Variants in ARHGAP28 observed in about 807,000 individuals in gnomAD.
The protein encoded by ARHGAP28 is rho GTPase-activating protein 28.
Under a neutral mutation model 90.7 loss-of-function variants are expected in ARHGAP28, and 56 were observed. The observed-to-expected ratio is 0.62, with a 90% CI of 0.50 to 0.77. The LOEUF is 0.77. Ranked by LOEUF, ARHGAP28 falls within the 30% of genes least tolerant of loss-of-function variation. The pLI is 0.00. For synonymous variants in ARHGAP28, 308 were observed against 323.3 expected (o/e 0.95, Z 0.51); for missense variants, 869 against 900.9 (o/e 0.96, Z 0.45).
At chr18:6,885,982 C>T (rs937049764) in intron 11 of ARHGAP28, among the ~76,000 whole-genome samples, 5 of 152,058 alleles carry the variant, frequency 3.3e-5, no homozygotes, top group Admixed American at 2.0e-4. Context: ...ACATCCTGGA[C>T]CTGCGTCATT....
At chr18:6,741,997 A>G (rs1268379977) in intron 1 of ARHGAP28, among the ~76,000 whole-genome samples, 1 of 152,188 alleles carries the variant, frequency 6.6e-6, no homozygotes. Flanking sequence ...GTAATGAAGT[A>G]GCTTAAGTAA....
At chr18:6,853,247 A>G (rs1415399110) in intron 4 of ARHGAP28, among the ~76,000 whole-genome samples, 2 of 152,152 alleles carry the variant, frequency 1.3e-5, no homozygotes, top group Non-Finnish European at 2.9e-5. Context: ...GAGCTATCTG[A>G]AAATCTCATT....
chr18:6,760,952 A>G (rs1294778860), intron 1 of ARHGAP28, among the ~76,000 whole-genome samples: 3 of 152,208 alleles, frequency 2.0e-5, no homozygotes, highest in Non-Finnish European at 4.4e-5. Context: ...GGTCCTTAGC[A>G]TATGGGAAGA....
intron 6 of ARHGAP28, 83 bp from the exon 7 acceptor site, chr18:6,870,507 T>C: frequency 1.5e-6 from 2 of 1,368,350 alleles, no homozygotes; most frequent in Non-Finnish European, 2.0e-6. Context: ...CACTTGTAAA[T>C]ATTTTGAATT....
In ARHGAP28 at chr18:6,882,297, AAAGTAGG is replaced by A; in HGVS notation, c.1452_1453+5del. ...ATACCTGCCTTCATCAGTCTAATGG[AAAGTAGG>A]TGGAAGACGTTATATGTGAATACGC... On this transcript the variant is annotated splice_donor_variant and splice_donor_5th_base_variant and coding_sequence_variant and intron_variant, in exon 11 of 18. Transcript: ENST00000383472. LOFTEE classifies it high-confidence loss of function. 6.2e-7 allele frequency: 1 copy of A among 1,609,660 alleles called. No homozygotes were observed. The highest frequency in any genetic ancestry group is 1.1e-5 in the South Asian group (1 of 89,992).
chr18:6,838,610 T>G (rs2056772148), intron 3 of ARHGAP28, among the ~76,000 whole-genome samples: 1 of 152,230 alleles, frequency 6.6e-6, no homozygotes, highest in Non-Finnish European at 1.5e-5. Flanking sequence ...TAAATGTGGC[T>G]AGTGTGAGAA....
chr18:6,877,593 T>C (rs1390582767), intron 10 of ARHGAP28, among the ~76,000 whole-genome samples: 1 of 152,224 alleles, frequency 6.6e-6, no homozygotes, highest in Non-Finnish European at 1.5e-5. Flanking sequence ...GCATCAGGGC[T>C]CCGGGCATGT....
At chr18:6,785,715 A>G (rs1341462684) in intron 1 of ARHGAP28, among the ~76,000 whole-genome samples, 2 of 152,236 alleles carry the variant, frequency 1.3e-5, no homozygotes, top group Non-Finnish European at 2.9e-5. Flanking sequence ...GAAAGGGATT[A>G]CCGTGCCTGT....
intron 1 of ARHGAP28, among the ~76,000 whole-genome samples, chr18:6,776,415 A>C (rs2056283859): frequency 6.6e-6 from 1 of 152,220 alleles, no homozygotes; most frequent in Non-Finnish European, 1.5e-5. Context: ...TACAGTATTA[A>C]TACAGTAAAG....
At position 6,782,592 on chromosome 18, in the gene ARHGAP28, A is replaced by ATTTTTTT. The variant is rs10602816; in HGVS notation, c.123-42139_123-42133dup. Among the ~76,000 whole-genome samples the ATTTTTTT allele has an allele frequency of 4.2e-3, 112 of 26,692 alleles. 31 individuals are homozygous for ATTTTTTT. Among genetic ancestry groups the ATTTTTTT allele is most frequent in the East Asian group, 6.5e-3 (5 of 764 alleles). The allele number at this position is 26,692 out of a possible 152,430, so 17.5% of individuals were successfully genotyped here. ...GCCATCACGCCCAGCTAATTTTTGT[A>ATTTTTTT]TTTTTTTTTTTTTTTTTTTTTTTTT... On this transcript the variant is annotated intron_variant, in intron 1 of 17. Coordinates refer to ENST00000383472, the MANE Select transcript of ARHGAP28 (RefSeq NM_001366230.1).
chr18:6,838,319 T>C (rs1458971216), intron 3 of ARHGAP28, among the ~76,000 whole-genome samples: 1 of 152,230 alleles, frequency 6.6e-6, no homozygotes, highest in Non-Finnish European at 1.5e-5. Flanking sequence ...ATAGTATCAA[T>C]AATGGCATAC....
chr18:6,780,616 C>T (rs1455611719), intron 1 of ARHGAP28, among the ~76,000 whole-genome samples: 5 of 151,966 alleles, frequency 3.3e-5, no homozygotes, highest in Admixed American at 1.3e-4. Flanking sequence ...AGGCCAGGTG[C>T]GGTGGCTCAT....
chr18:6,902,928 A>C (rs962036175), intron 16 of ARHGAP28, among the ~76,000 whole-genome samples: 1 of 152,222 alleles, frequency 6.6e-6, no homozygotes, highest in Admixed American at 6.5e-5. Context: ...TCATCAACAG[A>C]TGAACGGATA....
rs368874633 is a variant in ARHGAP28 at position 6,889,805 on chromosome 18, T to C, written c.1537-83T>C. 5.2e-5 allele frequency: 66 copies of C among 1,267,766 alleles called. No homozygotes were observed. In the African/African-American group the frequency reaches 8.7e-4, roughly 17 times the overall value. The allele number at this position is 1,267,766 out of a possible 1,614,324, so 78.5% of individuals were successfully genotyped here. A position where few individuals can be genotyped will look rare whatever the true frequency, so the allele number is the denominator to read the frequency against. ...TTCTGACAGTTCTCTGGCAGCAGAG[T>C]GAATGGGAATAGAATGAATGATAGC... is the stretch of plus-strand genomic sequence containing the variant. On this transcript the variant is annotated intron_variant, in intron 12 of 17. Coordinates refer to ENST00000383472, the MANE Select transcript of ARHGAP28 (RefSeq NM_001366230.1).
At chr18:6,814,019 T>C (rs919603273) in intron 1 of ARHGAP28, among the ~76,000 whole-genome samples, 3 of 152,106 alleles carry the variant, frequency 2.0e-5, no homozygotes, top group Admixed American at 6.6e-5. Context: ...TCACAACTGA[T>C]GGAGCACAGA....
chr18:6,879,583 A>G (rs1012528326), intron 10 of ARHGAP28, among the ~76,000 whole-genome samples: 1 of 152,210 alleles, frequency 6.6e-6, no homozygotes, highest in Non-Finnish European at 1.5e-5. Context: ...CCAAAAAAAG[A>G]CATTATTTCT....
Position 6,760,382 on chromosome 18 carries a change from G to A in ARHGAP28, c.122+30439G>A, listed in dbSNP as rs142377302. On this transcript the variant is annotated intron_variant, in intron 1 of 17. Coordinates refer to ENST00000383472, the MANE Select transcript of ARHGAP28 (RefSeq NM_001366230.1). The stretch of plus-strand genomic sequence containing the variant: ...CCCCATCACACCAAGAAATTCTTAG[G>A]TCCAGGTAAGAAACAAACTCAGAAT... 1.5e-3 allele frequency among the ~76,000 whole-genome samples: 233 copies of A among 152,132 alleles called. 1 individual carries two copies. The highest frequency in any genetic ancestry group is 0.01 in the Middle Eastern group (3 of 294).
At chr18:6,819,379 T>C (rs2056612012) in intron 1 of ARHGAP28, among the ~76,000 whole-genome samples, 1 of 152,146 alleles carries the variant, frequency 6.6e-6, no homozygotes, top group Non-Finnish European at 1.5e-5. Context: ...TGGAGAGCTG[T>C]GGATACAAAG....
At chr18:6,890,603 G>C (rs544844042) in intron 14 of ARHGAP28, 60 bp downstream of exon 14, 382 of 1,016,692 alleles carry the variant, frequency 3.8e-4, no homozygotes, top group Non-Finnish European at 3.9e-4. Flanking sequence ...TCCTCAAAGG[G>C]GGGCACAAAG....
Sources: gnomAD v4.1 joint callset for allele counts (sites outside exome capture counted in the v4.1 genomes callset) on GRCh38, gnomAD v4.1.1 for gene constraint, MANE v1.5 for transcripts, NCBI Gene and HGNC (gene_info 2026-07-23, HGNC 2026-07-21) for gene names.